The following GSE1 variants were observed in gnomAD, a reference collection of about 807,000 sequenced individuals.
The protein encoded by GSE1 is genetic suppressor element 1.
GSE1 carries 32 observed loss-of-function variants against 112.6 expected under a neutral mutation model. The observed-to-expected ratio is 0.28, with a 90% CI of 0.21 to 0.38. The LOEUF (loss-of-function observed/expected upper bound fraction) is 0.38, where lower values mean the gene tolerates loss of function less well. Among genes scored for constraint, GSE1 ranks in the 10% least tolerant of loss-of-function variants. The pLI, the probability that GSE1 is intolerant of heterozygous loss-of-function variation, is 1.00. For missense variants in GSE1, 2,348 were observed against 1,699.2 expected (o/e 1.38, Z -6.71); for synonymous variants, 1,115 against 735.6 (o/e 1.52, Z -8.35).
chr16:85,288,445 G>A (rs919380565), intron 1 of GSE1, among the ~76,000 whole-genome samples: 3 of 152,054 alleles, frequency 2.0e-5, no homozygotes, highest in Non-Finnish European at 4.4e-5. Context: ...GCAGTTAATT[G>A]GAAGCAGAGC....
At chr16:85,184,324 C>G (rs181712717) in intron 1 of GSE1, among the ~76,000 whole-genome samples, 2,296 of 152,304 alleles carry the variant, frequency 0.015, 76 homozygotes, top group African/African-American at 0.052. Context: ...CTCTACTCCC[C>G]CTTCCCCTGC....
At chr16:85,483,011 G>A (rs183393110) in intron 2 of GSE1, among the ~76,000 whole-genome samples, 1 of 148,346 alleles carries the variant, frequency 6.7e-6, no homozygotes, top group African/African-American at 2.6e-5. Flanking sequence ...CAAACTCTCT[G>A]TGTAGCAGTG....
intron 1 of GSE1, among the ~76,000 whole-genome samples, chr16:85,616,580 C>G (rs1396668742): frequency 6.6e-6 from 1 of 152,240 alleles, no homozygotes; most frequent in Non-Finnish European, 1.5e-5. Context: ...AGGGCTTCCC[C>G]TCCCTTTCCT....
intron 1 of GSE1, among the ~76,000 whole-genome samples, chr16:85,251,109 C>T (rs1018102979): frequency 1.3e-5 from 2 of 152,202 alleles, no homozygotes; most frequent in African/African-American, 4.8e-5. Context: ...TATGAATCAC[C>T]CGGCTGTGAG....
chr16:85,647,733 C>T (rs992111381), intron 2 of GSE1, among the ~76,000 whole-genome samples: 10 of 152,200 alleles, frequency 6.6e-5, no homozygotes, highest in South Asian at 2.1e-4. Flanking sequence ...ACTACAGGCG[C>T]GCGCCATCAC....
chr16:85,267,537 C>G (rs763136623), intron 1 of GSE1, among the ~76,000 whole-genome samples: 4 of 152,160 alleles, frequency 2.6e-5, no homozygotes, highest in African/African-American at 4.8e-5. Flanking sequence ...ACGTCACGCT[C>G]CTTAGCCACC....
intron 1 of GSE1, among the ~76,000 whole-genome samples, chr16:85,232,806 C>T (rs545743201): frequency 6.6e-6 from 1 of 152,394 alleles, no homozygotes; most frequent in Admixed American, 6.5e-5. Flanking sequence ...TCTTAGCTTC[C>T]TTCCACCCAG....
intron 11 of GSE1, among the ~76,000 whole-genome samples, chr16:85,664,056 A>G (rs2052642929): frequency 6.6e-6 from 1 of 152,262 alleles, no homozygotes; most frequent in Non-Finnish European, 1.5e-5. Context: ...GGCAGCACAC[A>G]CTGAGCAGAT....
At chr16:85,617,686 G>A (rs918427062) in intron 1 of GSE1, among the ~76,000 whole-genome samples, 1 of 149,814 alleles carries the variant, frequency 6.7e-6, no homozygotes, top group African/African-American at 2.5e-5. Flanking sequence ...GTCACCTAGG[G>A]GCCAGGGTGG....
intron 1 of GSE1, among the ~76,000 whole-genome samples, chr16:85,279,686 G>T (rs187945910): frequency 2.6e-5 from 4 of 152,286 alleles, no homozygotes; most frequent in Non-Finnish European, 4.4e-5. Flanking sequence ...GTGAAATGGT[G>T]CTGCCCGGCC....
chr16:85,221,583 C>T (rs1422959424), intron 1 of GSE1, among the ~76,000 whole-genome samples: 3 of 152,182 alleles, frequency 2.0e-5, no homozygotes, highest in East Asian at 3.9e-4. Flanking sequence ...ACCACCCGTC[C>T]AGCCCCAACT....
chr16:85,446,070 C>G (rs2049503849), intron 2 of GSE1, among the ~76,000 whole-genome samples: 1 of 152,208 alleles, frequency 6.6e-6, no homozygotes, highest in Non-Finnish European at 1.5e-5. Context: ...ACATTAGCTG[C>G]TGGTATCAGC....
intron 1 of GSE1, among the ~76,000 whole-genome samples, chr16:85,630,337 A>G (rs4843972): frequency 0.7 from 106,414 of 152,110 alleles, 38,331 homozygotes; most frequent in East Asian, 0.89. Context: ...TGACTGATGA[A>G]GACTTTATAG....
At chr16:85,322,162 C>T (rs1388499027) in intron 1 of GSE1, among the ~76,000 whole-genome samples, 1 of 152,228 alleles carries the variant, frequency 6.6e-6, no homozygotes, top group Admixed American at 6.5e-5. Context: ...TTTCCAAGTT[C>T]AACATTCTGC....
In GSE1 at chr16:85,656,680, G is replaced by GTGGGCTGTGC. The variant is rs774307201; in HGVS notation, c.1312+21_1312+30dup. 24 of 1,493,132 alleles carry GTGGGCTGTGC rather than the reference G, an allele frequency of 1.6e-5. No individual in the cohort carries two copies. In the African/African-American group the frequency reaches 2.9e-4, roughly 18 times the overall value. The allele number at this position is 1,493,132 out of a possible 1,614,324, so 92.5% of individuals were successfully genotyped here. A position where few individuals can be genotyped will look rare whatever the true frequency, so the allele number is the denominator to read the frequency against. ...AACCCGAGCAGGTACCTGGGCGTGG[G>GTGGGCTGTGC]TGGGCTGTGCTGGGCAAGGTCTCAG... is the stretch of plus-strand genomic sequence containing the variant. On this transcript the variant is annotated intron_variant, in intron 7 of 15. Coordinates refer to ENST00000253458, the MANE Select transcript of GSE1 (RefSeq NM_014615.5).
At chr16:85,471,653 A>T (rs551169483) in intron 2 of GSE1, among the ~76,000 whole-genome samples, 50 of 152,278 alleles carry the variant, frequency 3.3e-4, no homozygotes, top group Non-Finnish European at 5.9e-4. Context: ...GGCTTAAGCA[A>T]TCTGCCCTAC....
rs1323863668 is a variant in GSE1, at chr16:85,373,518, G to A, written c.2464+15875G>A. On this transcript the variant is annotated intron_variant, in intron 2 of 2. Coordinates refer to the GSE1 transcript ENST00000637419. This position sits in a 1 kb window ranked among gnomAD's most constrained non-coding sequence, Gnocchi z 5.1. The stretch of plus-strand genomic sequence containing the variant: ...GTGAAGTAGGGATGCTGTGGCAGCT[G>A]CCTCCCGGGGCCCCTGGGAGAATGG... Among the ~76,000 whole-genome samples, 3 of 152,124 alleles carry A rather than the reference G, an allele frequency of 2.0e-5. No homozygotes were observed. The highest frequency in any genetic ancestry group is 7.2e-5 in the African/African-American group (3 of 41,436).
intron 2 of GSE1, among the ~76,000 whole-genome samples, chr16:85,477,933 A>G (rs1248346749): frequency 6.6e-6 from 1 of 152,118 alleles, no homozygotes; most frequent in East Asian, 1.9e-4. Context: ...TTTCAAGTGT[A>G]CAGGCCCATG....
upstream of GSE1, among the ~76,000 whole-genome samples, chr16:85,553,663 A>G (rs2045050073): frequency 6.6e-6 from 1 of 151,938 alleles, no homozygotes; most frequent in Admixed American, 6.5e-5. Flanking sequence ...GGCGGCGGGG[A>G]AGAGCGCCAC....
Sources: gnomAD v4.1 joint callset for allele counts (sites outside exome capture counted in the v4.1 genomes callset) on GRCh38, gnomAD v4.1.1 for gene constraint, Gnocchi (gnomAD v3.1) non-coding constraint, MANE v1.5 for transcripts, NCBI Gene and HGNC (gene_info 2026-07-23, HGNC 2026-07-21) for gene names.